Variants in RALYL observed in about 807,000 individuals in gnomAD.
RALYL encodes the protein RNA-binding Raly-like protein.
In RALYL, 29 loss-of-function variants were observed where a neutral mutation model predicts 35.1. The ratio of observed to expected loss-of-function variants is 0.83; its 90% CI spans 0.61 to 1.13. RALYL has a LOEUF of 1.13. RALYL is among the 50% of genes most tolerant of loss of function. The pLI, the probability that RALYL is intolerant of heterozygous loss-of-function variation, is 0.00. For synonymous variants in RALYL, 120 were observed against 127.6 expected, an observed-to-expected ratio of 0.94 and a Z score of 0.40; for missense variants, 359 against 360.4, an observed-to-expected ratio of 1.00 and a Z score of 0.03.
intron 1 of RALYL, among the ~76,000 whole-genome samples, chr8:84,474,358 T>C (rs1013742653): frequency 3.9e-5 from 6 of 152,198 alleles, no homozygotes; most frequent in African/African-American, 1.4e-4. Flanking sequence ...GAGTTGTTTG[T>C]GTAAGCAAGG....
intron 1 of RALYL, among the ~76,000 whole-genome samples, chr8:84,467,877 G>A (rs1456962426): frequency 7.4e-6 from 1 of 135,584 alleles, no homozygotes; most frequent in Non-Finnish European, 1.6e-5. Context: ...CTGTTGAATT[G>A]ATCCCTTTAC....
rs570559271 is a variant in RALYL, at chr8:84,425,407, C to T, written c.-23-103892C>T. ...GAGGCAATGCCTCGCCCTGCTTCGG[C>T]TCGCGCACGGTGCGCTCACCCACTG... On this transcript the variant is annotated intron_variant, in intron 1 of 8. Transcript: ENST00000521268. Among the ~76,000 whole-genome samples the T allele has an allele frequency of 2.2e-4, 33 of 152,302 alleles. No homozygotes were observed. In the South Asian group the frequency reaches 5.0e-3, roughly 23 times the overall value.
At chr8:84,439,554 T>A (rs2048111133) in intron 1 of RALYL, among the ~76,000 whole-genome samples, 1 of 152,192 alleles carries the variant, frequency 6.6e-6, no homozygotes, top group African/African-American at 2.4e-5. Flanking sequence ...GGGAATCTTA[T>A]TCCAATAAGC....
chr8:84,571,767 A>T (rs1808053160), intron 2 of RALYL, among the ~76,000 whole-genome samples: 1 of 151,684 alleles, frequency 6.6e-6, no homozygotes, highest in African/African-American at 2.4e-5. Context: ...CTTTTCTCTT[A>T]GTAGCCCTTT....
chr8:84,845,089 G>T (rs775347703), intron 4 of RALYL, among the ~76,000 whole-genome samples: 7 of 152,010 alleles, frequency 4.6e-5, no homozygotes, highest in Non-Finnish European at 7.4e-5. Flanking sequence ...TGCACGTTGT[G>T]CACAAGTACC....
chr8:84,295,287 A>G (rs983465162), intron 1 of RALYL, among the ~76,000 whole-genome samples: 7 of 152,120 alleles, frequency 4.6e-5, no homozygotes, highest in Non-Finnish European at 1.5e-5. Context: ...GTGGTGAGTG[A>G]GTCAATGCCT....
At chr8:84,908,509 T>C (rs1455622072) in intron 8 of RALYL, among the ~76,000 whole-genome samples, 1 of 152,178 alleles carries the variant, frequency 6.6e-6, no homozygotes, top group African/African-American at 2.4e-5. Flanking sequence ...GGCTTATCCA[T>C]GGTGTTATAA....
chr8:84,280,752 T>C (rs559792638), intron 1 of RALYL, among the ~76,000 whole-genome samples: 54 of 150,044 alleles, frequency 3.6e-4, no homozygotes, highest in African/African-American at 1.3e-3. Context: ...ATAACACATA[T>C]ATAAATATAT....
At chr8:84,190,334 A>C (rs534748772) in intron 1 of RALYL, among the ~76,000 whole-genome samples, 3 of 152,336 alleles carry the variant, frequency 2.0e-5, no homozygotes, top group South Asian at 2.1e-4. Flanking sequence ...TAAGTGTAAC[A>C]TATTATTTGA....
intron 1 of RALYL, among the ~76,000 whole-genome samples, chr8:84,316,228 A>T (rs1385356848): frequency 6.6e-6 from 1 of 152,114 alleles, no homozygotes; most frequent in African/African-American, 2.4e-5. Flanking sequence ...GTCAGCCTAA[A>T]TCCCTCATTT....
At chr8:84,843,512 G>C (rs1180898396) in intron 4 of RALYL, among the ~76,000 whole-genome samples, 1 of 152,160 alleles carries the variant, frequency 6.6e-6, no homozygotes, top group East Asian at 1.9e-4. Context: ...TGGGTAGGAA[G>C]AATCAATATC....
At chr8:84,773,292 A>C (rs1816004957) in intron 2 of RALYL, among the ~76,000 whole-genome samples, 1 of 152,190 alleles carries the variant, frequency 6.6e-6, no homozygotes, top group South Asian at 2.1e-4. Context: ...GGATACATTT[A>C]TATTTTATCC....
intron 2 of RALYL, among the ~76,000 whole-genome samples, chr8:84,596,245 G>A (rs1371305601): frequency 6.6e-6 from 1 of 152,036 alleles, no homozygotes; most frequent in Non-Finnish European, 1.5e-5. Flanking sequence ...AATTGCTGCT[G>A]TTGGCAGTTT....
intron 2 of RALYL, among the ~76,000 whole-genome samples, chr8:84,651,284 G>T (rs56184049): frequency 1.1e-3 from 167 of 151,360 alleles, no homozygotes; most frequent in African/African-American, 4.0e-3. Flanking sequence ...CTGGCAATAA[G>T]GATAGCATGA....
At chr8:84,494,026 T>G (rs1209038263) in intron 1 of RALYL, among the ~76,000 whole-genome samples, 1 of 152,230 alleles carries the variant, frequency 6.6e-6, no homozygotes, top group African/African-American at 2.4e-5. Flanking sequence ...CTAGGGTTTT[T>G]ATGGTTTTGG....
At position 84,826,772 on chromosome 8, in the gene RALYL, C is replaced by T. The variant is rs548018985; in HGVS notation, c.365+21970C>T. Among the ~76,000 whole-genome samples the T allele has an allele frequency of 2.5e-4, 38 of 151,944 alleles. 1 individual carries two copies. The South Asian group carries it at 7.9e-3, about 32-fold the overall frequency. Reference sequence around the variant, plus strand: ...CACACACATACGCCCAAACACACCCCCACGCCCCCGCCACACACACTCACA... The same window carrying T: ...CACACACATACGCCCAAACACACCCTCACGCCCCCGCCACACACACTCACA... On this transcript the variant is annotated intron_variant, in intron 4 of 8. Transcript: ENST00000521268.
intron 2 of RALYL, among the ~76,000 whole-genome samples, chr8:84,624,520 C>T (rs892699948): frequency 6.6e-6 from 1 of 152,184 alleles, no homozygotes; most frequent in Non-Finnish European, 1.5e-5. Flanking sequence ...ATATCTTCCT[C>T]TGACTGACTG....
chr8:84,879,113 A>C (rs1232419655), intron 7 of RALYL, among the ~76,000 whole-genome samples: 1 of 152,126 alleles, frequency 6.6e-6, no homozygotes, highest in Non-Finnish European at 1.5e-5. Context: ...CTCAAGATAG[A>C]GGTAACAGAG....
intron 2 of RALYL, among the ~76,000 whole-genome samples, chr8:84,573,127 T>A (rs1336004066): frequency 6.6e-6 from 1 of 151,376 alleles, no homozygotes; most frequent in Non-Finnish European, 1.5e-5. Context: ...AATATATATT[T>A]TTTTACTTTA....
Sources: allele counts gnomAD v4.1 joint callset (sites outside exome capture counted in the v4.1 genomes callset), GRCh38; gene constraint gnomAD v4.1.1; transcripts MANE v1.5; gene names NCBI Gene and HGNC (gene_info 2026-07-23, HGNC 2026-07-21).